EYS: variants seen among roughly 807,000 people sequenced by gnomAD.
EYS encodes the protein EGF-like photoreceptor maintenance factor, also known as protein eyes shut homolog.
A neutral mutation model predicts 282.1 loss-of-function variants in EYS; 250 were observed. The ratio of observed to expected loss-of-function variants is 0.89; its 90% CI spans 0.80 to 0.98. The LOEUF is 0.98. Among genes scored for constraint, EYS ranks in the 50% least tolerant of loss-of-function variants. The probability of loss-of-function intolerance (pLI) is 0.00; values close to 1 mark genes in which losing one functional copy is unlikely to be tolerated. For missense variants in EYS, 4,016 were observed against 3,709.0 expected, an observed-to-expected ratio of 1.08 and a Z score of -2.15; for synonymous variants, 1,355 against 1,282.9, an observed-to-expected ratio of 1.06 and a Z score of -1.20.
At chr6:64,640,540 AG>A (rs1768097999) in intron 22 of EYS, among the ~76,000 whole-genome samples, 1 of 145,836 alleles carries the variant, frequency 6.9e-6, no homozygotes, top group African/African-American at 2.5e-5. Flanking sequence ...GGACACAGGA[AG>A]GGGGTCATCA....
intron 11 of EYS, among the ~76,000 whole-genome samples, chr6:65,311,341 A>G (rs1208869269): frequency 6.6e-6 from 1 of 152,154 alleles, no homozygotes; most frequent in African/African-American, 2.4e-5. Context: ...TACCCATTGA[A>G]CAAATAGACC....
intron 24 of EYS, among the ~76,000 whole-genome samples, chr6:64,594,020 T>C (rs1766492878): frequency 6.6e-6 from 1 of 152,194 alleles, no homozygotes; most frequent in Admixed American, 6.6e-5. Context: ...TACTAATACA[T>C]GTCTATTTCC....
At chr6:65,280,865 AATATATAT>A (rs1554178611) in intron 12 of EYS, among the ~76,000 whole-genome samples, 1 of 135,938 alleles carries the variant, frequency 7.4e-6, no homozygotes, top group African/African-American at 2.7e-5. Flanking sequence ...TAAAAAAAAA[AATATATAT>A]ATATATATAT....
chr6:64,932,695 G>T (rs1344427312), intron 15 of EYS, among the ~76,000 whole-genome samples: 1 of 151,952 alleles, frequency 6.6e-6, no homozygotes, highest in Non-Finnish European at 1.5e-5. Flanking sequence ...GTTGTAAACT[G>T]CCTGGCTGAG....
intron 41 of EYS, among the ~76,000 whole-genome samples, chr6:63,733,776 G>A (rs1375321212): frequency 6.6e-6 from 1 of 152,106 alleles, no homozygotes; most frequent in Non-Finnish European, 1.5e-5. Flanking sequence ...GAGGAAGTCT[G>A]AGGTTAGAGA....
intron 13 of EYS, among the ~76,000 whole-genome samples, chr6:65,030,004 C>T (rs1395641485): frequency 6.6e-6 from 1 of 152,108 alleles, no homozygotes; most frequent in African/African-American, 2.4e-5. Context: ...GACATTTGAG[C>T]TGACAAGAAG....
rs537881991 is a variant in EYS at position 64,572,138 on chromosome 6, C to T, written c.5644+18085G>A. 2.0e-5 allele frequency among the ~76,000 whole-genome samples: 3 copies of T among 152,280 alleles called. No individual in the cohort carries two copies. The South Asian group carries it at 6.2e-4, about 32-fold the overall frequency. ...GGTTCAACATATGCAAATCAAAAAA[C>T]ATAATCCATCACATAAACAGAACCA... is the stretch of plus-strand genomic sequence containing the variant. On this transcript the variant is annotated intron_variant, in intron 26 of 42. Coordinates refer to ENST00000503581, the MANE Select transcript of EYS (RefSeq NM_001142800.2).
chr6:65,015,673 A>C (rs929392019), intron 13 of EYS, among the ~76,000 whole-genome samples: 10 of 151,944 alleles, frequency 6.6e-5, no homozygotes, highest in African/African-American at 2.4e-4. Context: ...AAAATTAAAA[A>C]CCTGTTTTTT....
At chr6:64,824,991 G>C (rs1227346926) in intron 19 of EYS, among the ~76,000 whole-genome samples, 1 of 151,826 alleles carries the variant, frequency 6.6e-6, no homozygotes. Context: ...TAGTCCTTCA[G>C]ATTCACACAT....
chr6:64,717,661 A>G (rs911509103), intron 22 of EYS, among the ~76,000 whole-genome samples: 1 of 152,176 alleles, frequency 6.6e-6, no homozygotes, highest in Non-Finnish European at 1.5e-5. Context: ...AGGAATATAG[A>G]GTTTTTCCTG....
chr6:65,480,518 A>G (rs920288506), intron 5 of EYS, among the ~76,000 whole-genome samples: 9 of 152,164 alleles, frequency 5.9e-5, no homozygotes, highest in African/African-American at 2.2e-4. Flanking sequence ...CCATTTCCTC[A>G]AATGGTAAAA....
intron 26 of EYS, among the ~76,000 whole-genome samples, chr6:64,453,972 C>T (rs1044451344): frequency 2.6e-5 from 4 of 152,004 alleles, no homozygotes; most frequent in South Asian, 2.1e-4. Context: ...CAAACCCGCA[C>T]GTTGTGCACA....
At chr6:65,344,232 A>T in intron 9 of EYS, 55 bp from the exon 10 acceptor site, 12 of 1,371,212 alleles carry the variant, frequency 8.8e-6, no homozygotes, top group Non-Finnish European at 1.0e-5. Context: ...TTGAATTCAG[A>T]ATGAATTATT....
chr6:64,123,644 G>A (rs1420499546), intron 31 of EYS, among the ~76,000 whole-genome samples: 1 of 152,094 alleles, frequency 6.6e-6, no homozygotes, highest in Non-Finnish European at 1.5e-5. Context: ...TAAATCAAAA[G>A]GCAAAAATTG....
chr6:65,508,181 A>T (rs1165851302), intron 2 of EYS, among the ~76,000 whole-genome samples: 1 of 152,056 alleles, frequency 6.6e-6, no homozygotes, highest in Non-Finnish European at 1.5e-5. Flanking sequence ...TTTGCTTTGG[A>T]CTTTCCTAAG....
chr6:64,956,069 C>G lies in EYS; in HGVS notation c.2260-10155G>C, dbSNP rs375564823. 2.6e-4 allele frequency among the ~76,000 whole-genome samples: 39 copies of G among 152,142 alleles called. 2 individuals carry two copies. The highest frequency in any genetic ancestry group is 2.3e-3 in the East Asian group (12 of 5,168). On this transcript the variant is annotated intron_variant, in intron 14 of 42. Coordinates refer to ENST00000503581, the MANE Select transcript of EYS (RefSeq NM_001142800.2). ...TCTCTATCAAAATATCAATGACATC[C>G]TTCACAGAAATAGAAAAAAAAAATT...
chr6:64,846,815 A>T (rs1163954607), intron 19 of EYS, among the ~76,000 whole-genome samples: 1 of 152,140 alleles, frequency 6.6e-6, no homozygotes, highest in Non-Finnish European at 1.5e-5. Context: ...TTATGAAATA[A>T]ATTATTGTTT....
chr6:63,802,952 G>T (rs2149677310), intron 37 of EYS, among the ~76,000 whole-genome samples: 1 of 152,194 alleles, frequency 6.6e-6, no homozygotes, highest in South Asian at 2.1e-4. Context: ...TAATTCCTCT[G>T]CATACAAAGC....
intron 2 of EYS, among the ~76,000 whole-genome samples, chr6:65,496,391 G>A (rs1388285768): frequency 6.6e-6 from 1 of 151,540 alleles, no homozygotes; most frequent in Non-Finnish European, 1.5e-5. Flanking sequence ...TTTTTTAAAA[G>A]GTAACTACCA....
Sources: allele counts gnomAD v4.1 joint callset (sites outside exome capture counted in the v4.1 genomes callset), GRCh38; gene constraint gnomAD v4.1.1; transcripts MANE v1.5; gene names NCBI Gene and HGNC (gene_info 2026-07-23, HGNC 2026-07-21).